The following SCARB1 variants were observed in gnomAD, a reference collection of about 807,000 sequenced individuals.
SCARB1 encodes CD36 and LIMPII analogous 1.
A neutral mutation model predicts 57.2 loss-of-function variants in SCARB1; 30 were observed. The observed-to-expected ratio is 0.52, with a 90% CI of 0.39 to 0.71. The LOEUF (loss-of-function observed/expected upper bound fraction) is 0.71. Among genes scored for constraint, SCARB1 ranks in the 30% least tolerant of loss-of-function variants. The pLI, the probability that SCARB1 is intolerant of heterozygous loss-of-function variation, is 0.00. For missense variants in SCARB1, 543 were observed against 671.2 expected (o/e 0.81, Z 2.11); for synonymous variants, 249 against 268.3 (o/e 0.93, Z 0.70).
intron 1 of SCARB1, among the ~76,000 whole-genome samples, chr12:124,850,897 C>G (rs576265242): frequency 6.6e-6 from 1 of 152,162 alleles, no homozygotes; most frequent in Non-Finnish European, 1.5e-5. Flanking sequence ...CCTCTTCCCC[C>G]GACAACAGCC....
At chr12:124,826,414 G>A (rs1951165892) in intron 1 of SCARB1, among the ~76,000 whole-genome samples, 1 of 151,362 alleles carries the variant, frequency 6.6e-6, no homozygotes, top group Admixed American at 6.6e-5. Context: ...TTCACTATGT[G>A]TGTGTATATA....
intron 1 of SCARB1, among the ~76,000 whole-genome samples, chr12:124,830,800 A>G (rs886364172): frequency 6.6e-6 from 1 of 152,154 alleles, no homozygotes; most frequent in African/African-American, 2.4e-5. Context: ...AAAAAGAAAA[A>G]AATTAAAGCA....
intron 8 of SCARB1, 42 bp from the exon 9 acceptor site, chr12:124,795,310 C>T: frequency 2.0e-6 from 3 of 1,521,878 alleles, no homozygotes; most frequent in Non-Finnish European, 2.7e-6. Context: ...CACCCCCAAG[C>T]TCCAGGGACA....
chr12:124,786,363 C>T lies in SCARB1; in HGVS notation c.1395G>A (p.Arg465=). 2 of 1,613,930 alleles carry T rather than the reference C, an allele frequency of 1.2e-6. No homozygotes were observed. Among genetic ancestry groups the T allele is most frequent in the Non-Finnish European group, 1.7e-6 (2 of 1,180,032 alleles). ...CCCTCTGGCCAGCACCTACTTGGCTCCGGATTTGGCAGATGACAGGGACCA... is the reference window on the plus strand; with the variant it reads ...CCCTCTGGCCAGCACCTACTTGGCTTCGGATTTGGCAGATGACAGGGACCA... ...LLLVPVICQI[R]SQEKCYLFWS... is the part of the protein sequence containing the mutation. Residue 465 remains arginine, a synonymous_variant, in exon 11 of 13, where the codon CGG becomes CGA. Transcript: ENST00000261693.
At position 124,782,046 on chromosome 12, in the gene SCARB1, C is replaced by A. The variant is rs554261275; in HGVS notation, c.*637G>T. Among the ~76,000 whole-genome samples, 208 of 152,270 alleles carry A rather than the reference C, an allele frequency of 1.4e-3. 2 individuals carry two copies. Among genetic ancestry groups the A allele is most frequent in the African/African-American group, 4.9e-3 (203 of 41,554 alleles). ...TCAGCCTCCTGAGTAGCTGGGATTA[C>A]AAGCGTGTGCCACCACACCCAGCTA... On this transcript the variant is annotated intron_variant, in intron 12 of 12. Coordinates refer to ENST00000261693, the MANE Select transcript of SCARB1 (RefSeq NM_005505.5).
Position 124,789,412 on chromosome 12 carries a change from G to A in SCARB1, c.1203-1955C>T, listed in dbSNP as rs368993115. Among the ~76,000 whole-genome samples, 97 of 152,274 alleles carry A rather than the reference G, an allele frequency of 6.4e-4. No homozygotes were observed. The highest frequency in any genetic ancestry group is 1.8e-3 in the African/African-American group (76 of 41,550). The stretch of plus-strand genomic sequence containing the variant: ...CAGCCAAAAGGTGCCTAAGGAGACC[G>A]GAAGACCAATGCGACACCTGGGAAA... On this transcript the variant is annotated intron_variant, in intron 9 of 12. Coordinates refer to ENST00000261693, the MANE Select transcript of SCARB1 (RefSeq NM_005505.5). This position sits in a 1 kb window ranked among gnomAD's most constrained non-coding sequence, Gnocchi z 4.4.
At position 124,857,300 on chromosome 12, in the gene SCARB1, C is replaced by A. The variant is rs139957109; in HGVS notation, c.126+6295G>T. Among the ~76,000 whole-genome samples the A allele has an allele frequency of 9.2e-5, 14 of 152,336 alleles. 1 individual carries two copies. In the East Asian group the frequency reaches 2.7e-3, roughly 29 times the overall value. ...ATTTTAGATACTAAAATGAATAATG[C>A]ACATAAACACTTGGAACAGTATCCG... On this transcript the variant is annotated intron_variant, in intron 1 of 12. Coordinates refer to ENST00000261693, the MANE Select transcript of SCARB1 (RefSeq NM_005505.5).
intron 1 of SCARB1, chr12:124,839,641 C>T: frequency 2.0e-6 from 2 of 985,314 alleles, no homozygotes; most frequent in Admixed American, 6.1e-5. Flanking sequence ...CACCATCCTA[C>T]ATTCCCAACG....
In SCARB1 at chr12:124,817,441, G is replaced by C; in HGVS notation, c.284+109C>G. ...CCCGACTATGACTTGCCTGCTTCCG[G>C]AACAATCTCTGGGGCTCAGTCAGCA... On this transcript the variant is annotated intron_variant, in intron 2 of 12. Coordinates refer to ENST00000261693, the MANE Select transcript of SCARB1 (RefSeq NM_005505.5). The surrounding 1 kb of genome is among the most constrained non-coding windows in gnomAD (Gnocchi z 4.8). 4 of 1,139,110 alleles carry C rather than the reference G, an allele frequency of 3.5e-6. No homozygotes were observed. The highest frequency in any genetic ancestry group is 3.1e-5 in the African/African-American group (2 of 64,858). 70.6% of individuals were successfully genotyped at this position (1,139,110 alleles called of 1,614,324 possible).
intron 11 of SCARB1, 175 bp from the exon 12 acceptor site, chr12:124,782,986 C>A: frequency 1.6e-6 from 1 of 639,660 alleles, no homozygotes; most frequent in Admixed American, 2.4e-5. Flanking sequence ...CGCTCTTAGA[C>A]ATAAGTACAA....
intron 1 of SCARB1, among the ~76,000 whole-genome samples, chr12:124,841,562 G>A (rs2135789141): frequency 6.6e-6 from 1 of 150,748 alleles, no homozygotes; most frequent in South Asian, 2.1e-4. Flanking sequence ...AACCAAATCT[G>A]AACTCCTCCA....
chr12:124,811,534 A>G (rs55834271), intron 5 of SCARB1, among the ~76,000 whole-genome samples: 29,948 of 152,176 alleles, frequency 0.2, 3,685 homozygotes, highest in Non-Finnish European at 0.26. Flanking sequence ...TCGGCCTCCC[A>G]AAGTGCTGGG....
At chr12:124,827,192 C>A (rs186845417) in intron 1 of SCARB1, among the ~76,000 whole-genome samples, 1 of 152,072 alleles carries the variant, frequency 6.6e-6, no homozygotes, top group African/African-American at 2.4e-5. Flanking sequence ...TCGGCAGACT[C>A]GCGTCTTAAG....
At chr12:124,835,622 G>A (rs895295242) in intron 1 of SCARB1, among the ~76,000 whole-genome samples, 22 of 150,798 alleles carry the variant, frequency 1.5e-4, no homozygotes, top group African/African-American at 5.4e-4. Context: ...CTTATACACC[G>A]CATCCTCCCC....
intron 1 of SCARB1, among the ~76,000 whole-genome samples, chr12:124,819,323 T>C (rs1055383774): frequency 2.0e-5 from 3 of 152,174 alleles, no homozygotes; most frequent in Non-Finnish European, 2.9e-5. Flanking sequence ...CCTCCCTGTG[T>C]GGCTGAGTGA....
chr12:124,852,014 C>T (rs773397386), intron 1 of SCARB1, among the ~76,000 whole-genome samples: 2 of 152,112 alleles, frequency 1.3e-5, no homozygotes, highest in Non-Finnish European at 2.9e-5. Flanking sequence ...GCCCCAGCCC[C>T]ATCCAAGACA....
chr12:124,839,353 G>C (rs1951819065), intron 1 of SCARB1: 6 of 441,540 alleles, frequency 1.4e-5, no homozygotes, highest in South Asian at 7.9e-5. Flanking sequence ...ACTTCCTCAA[G>C]GCCCGTGCAT....
At position 124,812,775 on chromosome 12, in the gene SCARB1, C is replaced by G. The variant is rs59558183; in HGVS notation, c.631-810G>C. ...GAGTGACTGCACCCATCACAGACCTCCAGAGCAGGACCCAGCACAAGGCCC... is the reference window on the plus strand; with the variant it reads ...GAGTGACTGCACCCATCACAGACCTGCAGAGCAGGACCCAGCACAAGGCCC... On this transcript the variant is annotated intron_variant, in intron 4 of 12. Coordinates refer to ENST00000261693, the MANE Select transcript of SCARB1 (RefSeq NM_005505.5). The surrounding 1 kb of genome is among the most constrained non-coding windows in gnomAD (Gnocchi z 4.3). Among the ~76,000 whole-genome samples, 9,713 of 152,128 alleles carry G rather than the reference C, an allele frequency of 0.064. 1,020 individuals carry two copies. Among genetic ancestry groups the G allele is most frequent in the African/African-American group, 0.22 (9,029 of 41,428 alleles).
chr12:124,830,214 T>G (rs1324426704), intron 1 of SCARB1, among the ~76,000 whole-genome samples: 1 of 152,228 alleles, frequency 6.6e-6, no homozygotes, highest in African/African-American at 2.4e-5. Flanking sequence ...CTGGTGAGGA[T>G]GTGGAGCAGC....
Sources: gnomAD v4.1 joint callset for allele counts (sites outside exome capture counted in the v4.1 genomes callset) on GRCh38, gnomAD v4.1.1 for gene constraint, Gnocchi (gnomAD v3.1) non-coding constraint, MANE v1.5 for transcripts, NCBI Gene and HGNC (gene_info 2026-07-23, HGNC 2026-07-21) for gene names.